LARP1: variants seen among roughly 807,000 people sequenced by gnomAD.
LARP1 encodes la-related protein 1.
LARP1 carries 36 observed loss-of-function variants against 122.7 expected under a neutral mutation model. That is an observed-to-expected ratio of 0.29 (90% CI 0.22 to 0.39). The LOEUF (loss-of-function observed/expected upper bound fraction) is 0.39. LARP1 is among the 10% of genes least tolerant of loss of function. The pLI, the probability that LARP1 is intolerant of heterozygous loss-of-function variation, is 1.00. For missense variants in LARP1, 1,040 were observed against 1,403.6 expected, an observed-to-expected ratio of 0.74 and a Z score of 4.14; for synonymous variants, 539 against 528.7, an observed-to-expected ratio of 1.02 and a Z score of -0.27.
chr5:154,795,138 A>G, intron 7 of LARP1, 37 bp from the exon 8 acceptor site: 2 of 1,605,140 alleles, frequency 1.2e-6, no homozygotes, highest in Non-Finnish European at 8.5e-7. Context: ...CTGATGCACC[A>G]ATCCCTCGGT....
At chr5:154,776,422 G>A (rs1390270166) in intron 1 of LARP1, among the ~76,000 whole-genome samples, 1 of 152,166 alleles carries the variant, frequency 6.6e-6, no homozygotes, top group Non-Finnish European at 1.5e-5. Flanking sequence ...TGGGTAAAGG[G>A]AGAGTACCTC....
At chr5:154,728,244 G>A (rs976021160) in intron 1 of LARP1, among the ~76,000 whole-genome samples, 3 of 152,114 alleles carry the variant, frequency 2.0e-5, no homozygotes, top group Admixed American at 2.0e-4. Flanking sequence ...AGCAGCCTGC[G>A]GATTCCGATG....
chr5:154,811,100 C>G (rs1282260976), intron 16 of LARP1, 147 bp from the exon 17 acceptor site: 2 of 610,428 alleles, frequency 3.3e-6, no homozygotes, highest in African/African-American at 1.9e-5. Flanking sequence ...CCCACTTAGA[C>G]TAGCATTCTA....
At chr5:154,751,928 G>A (rs543382385), upstream of LARP1, among the ~76,000 whole-genome samples, 3 of 152,066 alleles carry the variant, frequency 2.0e-5, no homozygotes, top group South Asian at 6.2e-4. Context: ...TAGTTGGTTA[G>A]GAATCAAAAA....
chr5:154,762,800 GC>G (rs1275759703), intron 1 of LARP1, among the ~76,000 whole-genome samples: 1 of 152,156 alleles, frequency 6.6e-6, no homozygotes, highest in Non-Finnish European at 1.5e-5. Flanking sequence ...ACTCAAAGTT[GC>G]CTTTTTCTTT....
chr5:154,704,196 G>A (rs745456042), intron 1 of LARP1, among the ~76,000 whole-genome samples: 11 of 152,186 alleles, frequency 7.2e-5, no homozygotes, highest in African/African-American at 7.2e-5. Flanking sequence ...TTACAAGTAC[G>A]ATAAGCACTG....
chr5:154,716,590 A>C (rs1309826317), intron 1 of LARP1, among the ~76,000 whole-genome samples: 1 of 151,712 alleles, frequency 6.6e-6, no homozygotes, highest in Non-Finnish European at 1.5e-5. Flanking sequence ...CTGGGATTAC[A>C]AGCATGCACC....
chr5:154,772,903 TCTCGAA>T, intron 1 of LARP1, among the ~76,000 whole-genome samples: 1 of 151,992 alleles, frequency 6.6e-6, no homozygotes, highest in East Asian at 1.9e-4. Flanking sequence ...GTCAGTCTGG[TCTCGAA>T]CTCCTGACCT....
intron 8 of LARP1, among the ~76,000 whole-genome samples, chr5:154,797,217 TGTTG>T (rs1185564662): frequency 7.3e-6 from 1 of 136,142 alleles, no homozygotes; most frequent in African/African-American, 2.7e-5. Flanking sequence ...GTTTTGTTGT[TGTTG>T]TTTTTTTTTT....
chr5:154,691,378 C>T (rs1457805340), intron 1 of LARP1, among the ~76,000 whole-genome samples: 1 of 152,242 alleles, frequency 6.6e-6, no homozygotes, highest in Admixed American at 6.5e-5. Flanking sequence ...CTTCCCCTCT[C>T]TGGGCCGCGG....
At chr5:154,808,237 C>T (rs1334172259) in intron 15 of LARP1, among the ~76,000 whole-genome samples, 1 of 152,208 alleles carries the variant, frequency 6.6e-6, no homozygotes, top group Non-Finnish European at 1.5e-5. Context: ...GCTGCTGCCA[C>T]CTGCTCCTGG....
chr5:154,727,925 G>A (rs1195847122), intron 1 of LARP1, among the ~76,000 whole-genome samples: 1 of 152,024 alleles, frequency 6.6e-6, no homozygotes, highest in Non-Finnish European at 1.5e-5. Flanking sequence ...AAAATTAGCC[G>A]GGCATGGTGG....
intron 1 of LARP1, among the ~76,000 whole-genome samples, chr5:154,787,140 A>G (rs967803942): frequency 7.2e-5 from 11 of 152,150 alleles, no homozygotes; most frequent in Non-Finnish European, 1.5e-4. Flanking sequence ...CGGCCTCCCA[A>G]AGTGCTGGGA....
chr5:154,750,181 TTTTTG>T (rs886246919), intron 1 of LARP1, among the ~76,000 whole-genome samples: 5 of 152,128 alleles, frequency 3.3e-5, no homozygotes, highest in African/African-American at 7.2e-5. Context: ...TACAAATAGG[TTTTTG>T]TTTTGTTTTG....
At chr5:154,781,612 A>AC (rs1012296508) in intron 1 of LARP1, among the ~76,000 whole-genome samples, 8 of 152,174 alleles carry the variant, frequency 5.3e-5, no homozygotes, top group African/African-American at 1.9e-4. Context: ...GGAAAAAAAA[A>AC]ACGGAAAAAT....
intron 3 of LARP1, among the ~76,000 whole-genome samples, chr5:154,792,254 CACAG>C (rs1408092807): frequency 2.0e-5 from 3 of 152,214 alleles, no homozygotes; most frequent in Non-Finnish European, 2.9e-5. Flanking sequence ...GCTTTTACTT[CACAG>C]ACAGAGTTGT....
chr5:154,791,823 A>C, intron 3 of LARP1: 1 of 368,324 alleles, frequency 2.7e-6, no homozygotes, highest in Admixed American at 2.8e-5. Context: ...AGTCCTGTGT[A>C]TAAGTGGACC....
chr5:154,790,290 T>C, intron 1 of LARP1, 35 bp from the exon 2 acceptor site: 1 of 1,595,298 alleles, frequency 6.3e-7, no homozygotes, highest in Non-Finnish European at 8.6e-7. Context: ...TCACATGGGC[T>C]TTGCATTACT....
At chr5:154,775,374 TC>T (rs1212477402) in intron 1 of LARP1, among the ~76,000 whole-genome samples, 1 of 151,746 alleles carries the variant, frequency 6.6e-6, no homozygotes, top group Non-Finnish European at 1.5e-5. Context: ...GCACCTATAG[TC>T]CCAGCTACTC....
Sources: allele counts gnomAD v4.1 joint callset (sites outside exome capture counted in the v4.1 genomes callset), GRCh38; gene constraint gnomAD v4.1.1; transcripts MANE v1.5; gene names NCBI Gene and HGNC (gene_info 2026-07-23, HGNC 2026-07-21).